The following ERBB4 variants were observed in gnomAD, a reference collection of about 807,000 sequenced individuals.
ERBB4 encodes receptor tyrosine-protein kinase erbB-4.
A neutral mutation model predicts 158.0 loss-of-function variants in ERBB4; 42 were observed. The ratio of observed to expected loss-of-function variants is 0.27; its 90% confidence interval spans 0.21 to 0.34. ERBB4 has a LOEUF of 0.34. ERBB4 is among the 10% of genes least tolerant of loss of function. The probability of loss-of-function intolerance (pLI) is 1.00; values close to 1 mark genes in which losing one functional copy is unlikely to be tolerated. For missense variants in ERBB4, 1,333 were observed against 1,624.1 expected (o/e 0.82, Z 3.08); for synonymous variants, 583 against 558.7 (o/e 1.04, Z -0.61).
At chr2:212,354,891 C>A (rs775444904) in intron 1 of ERBB4, among the ~76,000 whole-genome samples, 1 of 151,600 alleles carries the variant, frequency 6.6e-6, no homozygotes, top group South Asian at 2.1e-4. Flanking sequence ...TTTCAGGAGG[C>A]CCCTATTAGC....
chr2:212,367,609 C>A (rs879444200), intron 1 of ERBB4, among the ~76,000 whole-genome samples: 4 of 152,024 alleles, frequency 2.6e-5, no homozygotes, highest in Non-Finnish European at 4.4e-5. Flanking sequence ...AACAAAAGAG[C>A]TTTTGTACAG....
At chr2:212,303,838 T>C (rs1417155675) in intron 1 of ERBB4, among the ~76,000 whole-genome samples, 1 of 151,522 alleles carries the variant, frequency 6.6e-6, no homozygotes, top group East Asian at 1.9e-4. Context: ...AAATATTTAA[T>C]GCAGGGTAGA....
At chr2:211,699,969 T>A (rs1263476308) in intron 12 of ERBB4, among the ~76,000 whole-genome samples, 7 of 152,184 alleles carry the variant, frequency 4.6e-5, no homozygotes, top group Admixed American at 3.3e-4. Flanking sequence ...TATAGACAGA[T>A]ATATGACATA....
chr2:212,107,425 G>T (rs1036583550), intron 2 of ERBB4, among the ~76,000 whole-genome samples: 5 of 152,146 alleles, frequency 3.3e-5, no homozygotes, highest in Non-Finnish European at 5.9e-5. Flanking sequence ...TGAAATGGGT[G>T]TATTTATCCA....
intron 3 of ERBB4, among the ~76,000 whole-genome samples, chr2:211,812,332 C>T (rs1030795074): frequency 1.3e-5 from 2 of 152,210 alleles, no homozygotes; most frequent in African/African-American, 4.8e-5. Context: ...CTCTGTTTGG[C>T]TGGGTATCAC....
intron 1 of ERBB4, among the ~76,000 whole-genome samples, chr2:212,380,172 C>T (rs1444848988): frequency 1.3e-5 from 2 of 151,122 alleles, no homozygotes; most frequent in Admixed American, 6.6e-5. Context: ...CCATGGGTTC[C>T]ACATCTGTAG....
chr2:211,921,131 A>G (rs2079848340), intron 3 of ERBB4, among the ~76,000 whole-genome samples: 1 of 152,076 alleles, frequency 6.6e-6, no homozygotes, highest in Admixed American at 6.6e-5. Flanking sequence ...CAATTTCCCA[A>G]TAAACACTAT....
chr2:212,249,847 T>C (rs1233333682), intron 1 of ERBB4, among the ~76,000 whole-genome samples: 1 of 152,032 alleles, frequency 6.6e-6, no homozygotes, highest in Non-Finnish European at 1.5e-5. Flanking sequence ...CATTTTTTCT[T>C]ATTTATGGCA....
chr2:211,808,528 T>C (rs1339808643), intron 3 of ERBB4, among the ~76,000 whole-genome samples: 1 of 152,212 alleles, frequency 6.6e-6, no homozygotes, highest in Non-Finnish European at 1.5e-5. Context: ...TTGGTTACTA[T>C]AGCCTTGCAG....
chr2:211,381,004 T>C lies in ERBB4; in HGVS notation c.*2611A>G. On this transcript the variant is annotated 3_prime_UTR_variant, in exon 28 of 28. Transcript: ENST00000342788. ...GAGGGCTGTGATGACTCGATGCAGA[T>C]TTATTTAGAAAGGGAGGCTTATATT... 4.3e-6 allele frequency: 1 copy of C among 232,272 alleles called. No individual in the cohort carries two copies. The highest frequency in any genetic ancestry group is 8.5e-6 in the Non-Finnish European group (1 of 117,476). 14.4% of individuals were successfully genotyped at this position (232,272 alleles called of 1,614,324 possible). A position where few individuals can be genotyped will look rare whatever the true frequency, so the allele number is the denominator to read the frequency against.
intron 3 of ERBB4, among the ~76,000 whole-genome samples, chr2:211,851,905 T>C (rs942646529): frequency 5.9e-5 from 9 of 151,974 alleles, no homozygotes; most frequent in African/African-American, 4.8e-5. Context: ...AGTCTGAATA[T>C]CTACCTTGAT....
At chr2:212,536,595 A>T (rs574114541) in intron 1 of ERBB4, among the ~76,000 whole-genome samples, 1 of 152,304 alleles carries the variant, frequency 6.6e-6, no homozygotes, top group Admixed American at 6.5e-5. Flanking sequence ...ACGAGAAGAG[A>T]CGAAGCGAGG....
chr2:211,740,322 T>C (rs1254379635), intron 5 of ERBB4, among the ~76,000 whole-genome samples: 1 of 152,118 alleles, frequency 6.6e-6, no homozygotes, highest in Admixed American at 6.5e-5. Context: ...CATCATAAAT[T>C]AATAGAGTGA....
intron 14 of ERBB4, among the ~76,000 whole-genome samples, chr2:211,670,478 C>T (rs183013063): frequency 6.6e-6 from 1 of 152,124 alleles, no homozygotes; most frequent in Admixed American, 6.5e-5. Flanking sequence ...AATGAGTAAA[C>T]AAACTGCAAA....
At chr2:212,016,256 A>C (rs555851244) in intron 2 of ERBB4, among the ~76,000 whole-genome samples, 2 of 152,110 alleles carry the variant, frequency 1.3e-5, no homozygotes, top group African/African-American at 4.8e-5. Flanking sequence ...GGTTCAGCAT[A>C]GGAAAAGCTC....
chr2:211,629,014 GTTGT>G (rs1359729587), intron 17 of ERBB4, among the ~76,000 whole-genome samples: 3 of 152,082 alleles, frequency 2.0e-5, no homozygotes, highest in Admixed American at 6.6e-5. Context: ...TTTTGATGGG[GTTGT>G]TTGTTTTTTT....
intron 20 of ERBB4, among the ~76,000 whole-genome samples, chr2:211,500,648 C>A (rs1009647621): frequency 4.6e-5 from 7 of 151,990 alleles, no homozygotes; most frequent in Non-Finnish European, 8.8e-5. Flanking sequence ...CAAAGAGTCA[C>A]AGTTGTTGAG....
intron 19 of ERBB4, among the ~76,000 whole-genome samples, chr2:211,577,874 T>C (rs2067939843): frequency 6.6e-6 from 1 of 152,156 alleles, no homozygotes; most frequent in Non-Finnish European, 1.5e-5. Flanking sequence ...GGGCAAAATC[T>C]GGAAGCATTA....
At chr2:211,806,977 C>A (rs2076633199) in intron 3 of ERBB4, among the ~76,000 whole-genome samples, 1 of 151,820 alleles carries the variant, frequency 6.6e-6, no homozygotes, top group Admixed American at 6.6e-5. Context: ...AAGACAGTAT[C>A]TTTTACACAA....
Sources: allele counts gnomAD v4.1 joint callset (sites outside exome capture counted in the v4.1 genomes callset), GRCh38; gene constraint gnomAD v4.1.1; transcripts MANE v1.5; gene names NCBI Gene and HGNC (gene_info 2026-07-23, HGNC 2026-07-21).